The following TDP1 variants were observed in gnomAD, a reference collection of about 807,000 sequenced individuals.
TDP1 encodes the protein tyrosyl-DNA phosphodiesterase 1, also known as tyr-DNA phosphodiesterase 1.
In TDP1, 64 loss-of-function variants were observed where a neutral mutation model predicts 81.5. That is an observed-to-expected ratio of 0.79 (90% CI 0.64 to 0.97). The LOEUF (loss-of-function observed/expected upper bound fraction) is 0.97. Among genes scored for constraint, TDP1 ranks in the 50% least tolerant of loss-of-function variants. The pLI, the probability that TDP1 is intolerant of heterozygous loss-of-function variation, is 0.00. For synonymous variants in TDP1, 256 were observed against 264.3 expected, an observed-to-expected ratio of 0.97 and a Z score of 0.30; for missense variants, 723 against 743.8, an observed-to-expected ratio of 0.97 and a Z score of 0.33.
Position 89,982,499 on chromosome 14 carries a change from T to G in TDP1, c.884+1867T>G, listed in dbSNP as rs368377904. 3.0e-4 allele frequency among the ~76,000 whole-genome samples: 45 copies of G among 152,292 alleles called. No homozygotes were observed. In the East Asian group the frequency reaches 6.6e-3, roughly 22 times the overall value. On this transcript the variant is annotated intron_variant, in intron 8 of 16. Transcript: ENST00000335725. ...CTAAAGGGATTTCTCAGGTTAGCTC[T>G]CAGCCTCACGTGGTTCCAAGAATCC...
At chr14:89,963,034 T>A (rs958463477) in intron 2 of TDP1, 74 bp from the exon 3 acceptor site, 2 of 1,609,496 alleles carry the variant, frequency 1.2e-6, no homozygotes, top group Non-Finnish European at 1.7e-6. Context: ...GACAGGGAAG[T>A]TGAGAGCAAT....
intron 14 of TDP1, among the ~76,000 whole-genome samples, chr14:90,007,669 A>G (rs931979163): frequency 8.6e-5 from 13 of 151,906 alleles, no homozygotes; most frequent in African/African-American, 2.9e-4. Flanking sequence ...TCTGCCACCC[A>G]GGCTTGGTTC....
chr14:89,991,195 A>G (rs1896138324), intron 12 of TDP1, among the ~76,000 whole-genome samples: 1 of 152,092 alleles, frequency 6.6e-6, no homozygotes, highest in Admixed American at 6.5e-5. Flanking sequence ...TTGCATAAGG[A>G]GGGTAGGATG....
intron 14 of TDP1, among the ~76,000 whole-genome samples, chr14:90,002,724 C>T (rs926649304): frequency 1.4e-5 from 2 of 146,888 alleles, no homozygotes; most frequent in African/African-American, 5.0e-5. Context: ...AAAAAAAAGG[C>T]GGGGGATGCT....
At chr14:89,990,315 C>T (rs1471166115) in intron 12 of TDP1, among the ~76,000 whole-genome samples, 3 of 152,178 alleles carry the variant, frequency 2.0e-5, no homozygotes, top group Admixed American at 2.0e-4. Flanking sequence ...TCATACCAGG[C>T]ACTAAACCTT....
At chr14:90,002,036 G>A (rs1897234563) in intron 14 of TDP1, among the ~76,000 whole-genome samples, 1 of 151,938 alleles carries the variant, frequency 6.6e-6, no homozygotes, top group African/African-American at 2.4e-5. Context: ...AAAATTATTT[G>A]AATCAGTACC....
intron 15 of TDP1, among the ~76,000 whole-genome samples, chr14:90,029,028 A>AG (rs962520030): frequency 2.0e-5 from 3 of 152,072 alleles, no homozygotes; most frequent in African/African-American, 7.2e-5. Flanking sequence ...TCCAAATACC[A>AG]GGGTTTCTAG....
chr14:90,032,616 A>G, intron 15 of TDP1: 1 of 398,502 alleles, frequency 2.5e-6, no homozygotes. Context: ...TTCCATTTTG[A>G]TAGGTCTTAA....
chr14:89,972,460 G>C (rs1020309896), intron 6 of TDP1, among the ~76,000 whole-genome samples: 1 of 152,180 alleles, frequency 6.6e-6, no homozygotes, highest in Non-Finnish European at 1.5e-5. Context: ...TGGGGACATA[G>C]ACCCAAACCA....
intron 14 of TDP1, among the ~76,000 whole-genome samples, chr14:89,993,797 A>C (rs772236756): frequency 5.3e-4 from 81 of 152,332 alleles, no homozygotes; most frequent in Non-Finnish European, 5.7e-4. Context: ...AGAATAATGA[A>C]ATGTTAAAAT....
chr14:89,996,170 T>C (rs569463414), intron 14 of TDP1, among the ~76,000 whole-genome samples: 6 of 152,354 alleles, frequency 3.9e-5, no homozygotes, highest in African/African-American at 1.2e-4. Flanking sequence ...CCACTCATCC[T>C]GGTTGCCCAT....
At chr14:89,972,638 A>T (rs537532621) in intron 6 of TDP1, among the ~76,000 whole-genome samples, 1 of 152,352 alleles carries the variant, frequency 6.6e-6, no homozygotes, top group African/African-American at 2.4e-5. Flanking sequence ...CACGTGGCGC[A>T]TTTTGAGCAA....
chr14:89,991,079 TA>T (rs1896124665), intron 12 of TDP1, among the ~76,000 whole-genome samples: 1 of 152,162 alleles, frequency 6.6e-6, no homozygotes, highest in Non-Finnish European at 1.5e-5. Context: ...TGTTTGGAAA[TA>T]GTGTGTAAAG....
chr14:89,985,255 T>A, intron 10 of TDP1, 45 bp downstream of exon 10: 1 of 1,107,478 alleles, frequency 9.0e-7, no homozygotes, highest in African/African-American at 1.6e-5. Flanking sequence ...AAATTTAATG[T>A]ATATTCTCTC....
chr14:89,985,069 A>AT lies in TDP1; in HGVS notation c.1053-55dup, dbSNP rs35558322. 10,771 of 1,409,146 alleles carry AT rather than the reference A, an allele frequency of 7.6e-3. 594 individuals carry two copies. The African/African-American group carries it at 0.13, about 17-fold the overall frequency. 87.3% of individuals were successfully genotyped at this position (1,409,146 alleles called of 1,614,324 possible). A position where few individuals can be genotyped will look rare whatever the true frequency, so the allele number is the denominator to read the frequency against. Reference sequence around the variant, plus strand: ...TATTAGTTTTCATGTGTATTTTGTCATTTTTTTTGGTGCCCAAAGCACATC... The same window carrying AT: ...TATTAGTTTTCATGTGTATTTTGTCATTTTTTTTTGGTGCCCAAAGCACATC... On this transcript the variant is annotated intron_variant, in intron 9 of 16. Transcript: ENST00000335725.
chr14:89,988,695 C>T lies in TDP1; in HGVS notation c.1132-210C>T, dbSNP rs35234270. ...TAATTTTGGAAAGGAGAACTTCTGTCCATCTACTCCATTAAAAATATGTTT... is the reference window on the plus strand; with the variant it reads ...TAATTTTGGAAAGGAGAACTTCTGTTCATCTACTCCATTAAAAATATGTTT... On this transcript the variant is annotated intron_variant, in intron 10 of 16. Transcript: ENST00000335725. 8,498 of 980,866 alleles carry T rather than the reference C, an allele frequency of 8.7e-3. 547 individuals carry two copies. In the African/African-American group the frequency reaches 0.13, roughly 15 times the overall value. 60.8% of individuals were successfully genotyped at this position (980,866 alleles called of 1,614,324 possible).
chr14:90,018,976 A>G (rs1396167089), intron 14 of TDP1: 3 of 975,772 alleles, frequency 3.1e-6, no homozygotes, highest in Non-Finnish European at 3.6e-6. Flanking sequence ...TTTATGTACA[A>G]CAAAACCAGA....
chr14:89,964,066 G>T (rs1051299082), intron 3 of TDP1, among the ~76,000 whole-genome samples: 3 of 152,116 alleles, frequency 2.0e-5, no homozygotes, highest in African/African-American at 7.2e-5. Flanking sequence ...AAATTCTCGG[G>T]CCCCATTCCC....
chr14:90,031,634 G>A (rs1182528471), intron 15 of TDP1, among the ~76,000 whole-genome samples: 1 of 152,058 alleles, frequency 6.6e-6, no homozygotes, highest in Non-Finnish European at 1.5e-5. Context: ...TCCAGACTGG[G>A]TGACAGAGTG....
Sources: allele counts gnomAD v4.1 joint callset (sites outside exome capture counted in the v4.1 genomes callset), GRCh38; gene constraint gnomAD v4.1.1; transcripts MANE v1.5; gene names NCBI Gene and HGNC (gene_info 2026-07-23, HGNC 2026-07-21).